Variants in FAT3 observed in about 807,000 individuals in gnomAD.
FAT3 encodes the protein protocadherin Fat 3.
FAT3 carries 95 observed loss-of-function variants against 310.2 expected under a neutral mutation model. The observed-to-expected ratio is 0.31, with a 90% CI of 0.26 to 0.36. FAT3 has a LOEUF of 0.36. FAT3 is among the 10% of genes least tolerant of loss of function. The pLI is 1.00. For missense variants in FAT3, 5,408 were observed against 5,715.6 expected (o/e 0.95, Z 1.74); for synonymous variants, 2,314 against 2,192.9 (o/e 1.06, Z -1.54).
intron 2 of FAT3, among the ~76,000 whole-genome samples, chr11:92,471,778 G>C (rs1951910073): frequency 2.0e-5 from 3 of 151,882 alleles, no homozygotes; most frequent in Admixed American, 2.0e-4. Flanking sequence ...TGAAAATATA[G>C]TGTGATACAT....
chr11:92,768,440 G>C (rs145702576), intron 6 of FAT3, among the ~76,000 whole-genome samples: 1 of 152,162 alleles, frequency 6.6e-6, no homozygotes, highest in Admixed American at 6.5e-5. Context: ...TATGGTCCAC[G>C]TTCCACCAAA....
At chr11:92,730,463 A>T (rs187997763) in intron 4 of FAT3, among the ~76,000 whole-genome samples, 82 of 152,338 alleles carry the variant, frequency 5.4e-4, no homozygotes, top group African/African-American at 1.8e-3. Flanking sequence ...GCTATTTGGA[A>T]GGTGAGGACG....
chr11:92,768,685 G>A (rs186773759), intron 6 of FAT3, among the ~76,000 whole-genome samples: 5 of 152,264 alleles, frequency 3.3e-5, no homozygotes, highest in Admixed American at 3.3e-4. Context: ...AGGAAAGAGG[G>A]AACAATGCGC....
Position 92,273,453 on chromosome 11 carries a change from G to A in FAT3, c.-18+48279G>A, listed in dbSNP as rs78526403. On this transcript the variant is annotated intron_variant, in intron 1 of 27. Coordinates refer to ENST00000525166, the MANE Select transcript of FAT3 (RefSeq NM_001367949.2). ...TCTTGGGTATTTTAGGATTTGAAGT[G>A]CAATAAAAGGAAATTACTGACACAC... 5.8e-3 allele frequency among the ~76,000 whole-genome samples: 878 copies of A among 152,216 alleles called. 11 individuals carry two copies. The highest frequency in any genetic ancestry group is 0.021 in the African/African-American group (856 of 41,542).
intron 4 of FAT3, among the ~76,000 whole-genome samples, chr11:92,761,554 G>C (rs1470290559): frequency 1.3e-5 from 2 of 152,150 alleles, no homozygotes; most frequent in East Asian, 1.9e-4. Flanking sequence ...GGCAGAGAGA[G>C]ATTGGGATCT....
intron 13 of FAT3, among the ~76,000 whole-genome samples, chr11:92,817,336 A>C (rs529340530): frequency 6.6e-6 from 1 of 152,334 alleles, no homozygotes; most frequent in East Asian, 1.9e-4. Context: ...AATAGAAAAT[A>C]TGAAAAATTC....
intron 9 of FAT3, among the ~76,000 whole-genome samples, chr11:92,794,978 A>G (rs1591742154): frequency 6.6e-6 from 1 of 152,282 alleles, no homozygotes; most frequent in East Asian, 1.9e-4. Flanking sequence ...GTTTTATTTA[A>G]CTTTTCTCAC....
intron 3 of FAT3, among the ~76,000 whole-genome samples, chr11:92,662,405 T>C (rs745603477): frequency 2.0e-5 from 3 of 152,196 alleles, no homozygotes; most frequent in Non-Finnish European, 2.9e-5. Flanking sequence ...ATTACTCTGC[T>C]TCCTTTCATG....
At chr11:92,357,031 GC>G (rs2134655710) in intron 2 of FAT3, among the ~76,000 whole-genome samples, 1 of 152,204 alleles carries the variant, frequency 6.6e-6, no homozygotes, top group South Asian at 2.1e-4. Flanking sequence ...CCCTGACTTT[GC>G]CACATACTGT....
At chr11:92,324,229 G>T (rs1186367792) in intron 1 of FAT3, among the ~76,000 whole-genome samples, 1 of 152,150 alleles carries the variant, frequency 6.6e-6, no homozygotes, top group East Asian at 1.9e-4. Flanking sequence ...TTTCCTGCAA[G>T]AATTTTTTCT....
intron 3 of FAT3, among the ~76,000 whole-genome samples, chr11:92,696,505 G>A (rs146971455): frequency 7.2e-4 from 109 of 152,204 alleles, no homozygotes; most frequent in Admixed American, 3.4e-3. Context: ...CTGGGATCAC[G>A]CTTTTCATAT....
chr11:92,771,212 G>T (rs553385420), intron 6 of FAT3, among the ~76,000 whole-genome samples: 4 of 152,132 alleles, frequency 2.6e-5, no homozygotes, highest in African/African-American at 7.2e-5. Context: ...GGCTTTGCAT[G>T]TTCTGTTACT....
Position 92,551,641 on chromosome 11 carries a change from C to G in FAT3, c.3607+26693C>G, listed in dbSNP as rs1954827045. On this transcript the variant is annotated intron_variant, in intron 3 of 27. Coordinates refer to ENST00000525166, the MANE Select transcript of FAT3 (RefSeq NM_001367949.2). ...TCAAAGAAACCATTTCTTACTGAAACAGCTGTACTTGGTTATGTTATTAGA... is the reference window on the plus strand; with the variant it reads ...TCAAAGAAACCATTTCTTACTGAAAGAGCTGTACTTGGTTATGTTATTAGA... Among the ~76,000 whole-genome samples, 5 of 152,158 alleles carry G rather than the reference C, an allele frequency of 3.3e-5. No homozygotes were observed. The South Asian group carries it at 1.0e-3, about 32-fold the overall frequency.
At chr11:92,519,118 G>A (rs956885719) in intron 2 of FAT3, among the ~76,000 whole-genome samples, 1 of 152,038 alleles carries the variant, frequency 6.6e-6, no homozygotes. Context: ...GAGCAAAGTT[G>A]GAAGACTTAC....
intron 2 of FAT3, among the ~76,000 whole-genome samples, chr11:92,392,229 C>T (rs756573049): frequency 1.1e-4 from 17 of 152,120 alleles, no homozygotes; most frequent in Non-Finnish European, 1.9e-4. Context: ...ATACATTTTC[C>T]TACCTCTAAG....
chr11:92,849,703 G>C (rs1948771230), intron 19 of FAT3, among the ~76,000 whole-genome samples: 2 of 152,220 alleles, frequency 1.3e-5, no homozygotes, highest in African/African-American at 2.4e-5. Context: ...AAGCAATGAA[G>C]CATGTCACAA....
intron 2 of FAT3, among the ~76,000 whole-genome samples, chr11:92,458,189 A>C (rs1951546123): frequency 6.6e-6 from 1 of 152,184 alleles, no homozygotes; most frequent in Non-Finnish European, 1.5e-5. Flanking sequence ...GTTATTTTAA[A>C]TATTTTATCT....
chr11:92,808,308 G>A lies in FAT3; in HGVS notation c.9248-1535G>A, dbSNP rs549840751. Among the ~76,000 whole-genome samples the A allele has an allele frequency of 2.6e-5, 4 of 152,310 alleles. No individual in the cohort carries two copies. The Middle Eastern group carries it at 0.01, about 389-fold the overall frequency. Reference sequence around the variant, plus strand: ...AGGGGAGCTATATCTGGGCACAGATGAAGATGTAACTAATATTCTGATAAG... The same window carrying A: ...AGGGGAGCTATATCTGGGCACAGATAAAGATGTAACTAATATTCTGATAAG... On this transcript the variant is annotated intron_variant, in intron 12 of 27. Coordinates refer to ENST00000525166, the MANE Select transcript of FAT3 (RefSeq NM_001367949.2).
chr11:92,783,238 G>A (rs1946799261), intron 7 of FAT3, among the ~76,000 whole-genome samples: 1 of 151,732 alleles, frequency 6.6e-6, no homozygotes, highest in South Asian at 2.1e-4. Flanking sequence ...TGCGCCTGTA[G>A]TGCCAGCTAC....
Sources: gnomAD v4.1 joint callset for allele counts (sites outside exome capture counted in the v4.1 genomes callset) on GRCh38, gnomAD v4.1.1 for gene constraint, MANE v1.5 for transcripts, NCBI Gene and HGNC (gene_info 2026-07-23, HGNC 2026-07-21) for gene names.